Variants in NCOA6 observed in about 807,000 individuals in gnomAD.
NCOA6 encodes nuclear receptor coactivator 6, also known as NRC RAP250.
In NCOA6, 49 loss-of-function variants were observed where a neutral mutation model predicts 171.4. The observed-to-expected ratio is 0.29, with a 90% CI of 0.23 to 0.36. The LOEUF is 0.36. Ranked by LOEUF, NCOA6 falls within the 10% of genes least tolerant of loss-of-function variation. NCOA6 has a pLI of 1.00. For missense variants in NCOA6, 2,248 were observed against 2,554.5 expected, an observed-to-expected ratio of 0.88 and a Z score of 2.59; for synonymous variants, 910 against 927.5, an observed-to-expected ratio of 0.98 and a Z score of 0.34.
At chr20:34,745,071 G>A (rs142546462) in intron 10 of NCOA6, among the ~76,000 whole-genome samples, 2 of 152,260 alleles carry the variant, frequency 1.3e-5, no homozygotes, top group South Asian at 2.1e-4. Flanking sequence ...GGAAAGCCAG[G>A]ACACACATAG....
chr20:34,742,857 A>G lies in NCOA6; in HGVS notation c.3399T>C (p.Pro1133=). The change falls in exon 11 of 15, where the codon CCT becomes CCC. Residue 1133 remains proline, a synonymous_variant. Coordinates refer to ENST00000359003, the MANE Select transcript of NCOA6 (RefSeq NM_014071.5). ...ATGGTGCTTCACTGCCACTTGCTTC[A>G]GGGAGTGAGGCCATCTCCGCCAGTG... ...SSPLAEMASL[P]EASGSEAPSV... is the part of the protein sequence containing the mutation. 6.2e-7 allele frequency: 1 copy of G among 1,614,192 alleles called. No homozygotes were observed. The highest frequency in any genetic ancestry group is 8.5e-7 in the Non-Finnish European group (1 of 1,180,026).
Position 34,742,297 on chromosome 20 carries a change from G to A in NCOA6, c.3959C>T (p.Ala1320Val), listed in dbSNP as rs763199542. The change falls in exon 11 of 15, where the codon GCA becomes GTA. Residue 1320 changes from alanine to valine, a missense_variant. This residue lies in a region of NCOA6 where 884 missense variants were observed against 941.9 expected (regional missense o/e 0.94). Transcript: ENST00000359003. ...VNSGKQSNSG[A>V]TKRASPSNSR... Reference sequence around the variant, plus strand: ...GTTGCTTGGACTTGCCCGTTTTGTTGCTCCAGAATTAGACTGCTTTCCAGA... The same window carrying A: ...GTTGCTTGGACTTGCCCGTTTTGTTACTCCAGAATTAGACTGCTTTCCAGA... 1.2e-6 allele frequency: 2 copies of A among 1,614,176 alleles called. No individual in the cohort carries two copies. The highest frequency in any genetic ancestry group is 2.2e-5 in the South Asian group (2 of 91,084).
chr20:34,824,757 G>A (rs998001669), intron 1 of NCOA6, among the ~76,000 whole-genome samples: 1 of 152,110 alleles, frequency 6.6e-6, no homozygotes, highest in Non-Finnish European at 1.5e-5. Context: ...AGAGGGGGTG[G>A]AGGATGCTTG....
At position 34,741,202 on chromosome 20, in the gene NCOA6, G is replaced by C. The variant is rs1156380351; in HGVS notation, c.5054C>G (p.Thr1685Ser). The C allele has an allele frequency of 1.9e-6, 3 of 1,614,134 alleles. No individual in the cohort carries two copies. In the Admixed American group the frequency reaches 5.0e-5, roughly 27 times the overall value. ...AGAGGGAGGCATCAGGCCAGAGTTGGTTGTCAGTGGGGCTGCAGGAATTGT... is the reference window on the plus strand; with the variant it reads ...AGAGGGAGGCATCAGGCCAGAGTTGCTTGTCAGTGGGGCTGCAGGAATTGT... Reference protein sequence around the residue: ...PSTIPAAPLTTNSGLMPPSVA... With the variant: ...PSTIPAAPLTSNSGLMPPSVA... The change falls in exon 11 of 15, where the codon ACC becomes AGC. Residue 1685 changes from threonine (T) to serine (S), a missense_variant. Coordinates refer to ENST00000359003, the MANE Select transcript of NCOA6 (RefSeq NM_014071.5).
At position 34,757,642 on chromosome 20, in the gene NCOA6, G is replaced by A; in HGVS notation, c.1106C>T (p.Pro369Leu). The change falls in exon 7 of 15, where the codon CCT becomes CTT. Residue 369 changes from proline (P) to leucine (L), a missense_variant. Around this residue, in one of 7 missense-constraint regions of NCOA6, gnomAD observed 987 missense variants for 1,104.7 expected, o/e 0.89. Transcript: ENST00000359003. ...ARPSLATVQT[P>L]SHPPPPYPFG... ...GGGATATGGAGGGGGAGGGTGGGAAGGCGTCTGTACCGTGGCTAAGGATGG... is the reference window on the plus strand; with the variant it reads ...GGGATATGGAGGGGGAGGGTGGGAAAGCGTCTGTACCGTGGCTAAGGATGG... 6.8e-6 allele frequency: 11 copies of A among 1,614,064 alleles called. No individual in the cohort carries two copies. The highest frequency in any genetic ancestry group is 9.3e-6 in the Non-Finnish European group (11 of 1,179,958).
chr20:34,721,137 T>TG (rs1989255363), intron 14 of NCOA6, among the ~76,000 whole-genome samples: 1 of 150,468 alleles, frequency 6.6e-6, no homozygotes, highest in African/African-American at 2.5e-5. Context: ...GAGGTTGAGT[T>TG]GATCACAAAT....
At chr20:34,717,189 GCTTGTAAT>G (rs1258786082) in intron 14 of NCOA6, among the ~76,000 whole-genome samples, 3 of 152,238 alleles carry the variant, frequency 2.0e-5, no homozygotes, top group Admixed American at 1.3e-4. Context: ...GGTGGCTCAT[GCTTGTAAT>G]CCCAGCACTT....
intron 1 of NCOA6, chr20:34,809,353 C>T: frequency 2.5e-6 from 1 of 396,712 alleles, no homozygotes; most frequent in Non-Finnish European, 4.4e-6. Flanking sequence ...ATCAAAATGC[C>T]TCCTTTTTAA....
intron 4 of NCOA6, 82 bp from the exon 5 acceptor site, chr20:34,768,668 A>C: frequency 6.7e-7 from 1 of 1,487,080 alleles, no homozygotes; most frequent in Non-Finnish European, 9.2e-7. Flanking sequence ...TAAGTGCTTT[A>C]GTTTTCTGTG....
chr20:34,732,551 C>A lies in NCOA6; in HGVS notation c.5999+8G>T. 3 of 1,613,170 alleles carry A rather than the reference C, an allele frequency of 1.9e-6. No homozygotes were observed. Among genetic ancestry groups the A allele is most frequent in the South Asian group, 2.2e-5 (2 of 91,008 alleles). ...TTCATGCTACGTCTGCAGAAATGAT[C>A]ATCTTACCTTTGTCCAGAGACTATG... On this transcript the variant is annotated splice_region_variant and intron_variant, in intron 13 of 14. Coordinates refer to ENST00000359003, the MANE Select transcript of NCOA6 (RefSeq NM_014071.5).
intron 14 of NCOA6, among the ~76,000 whole-genome samples, chr20:34,720,026 G>A (rs1989128689): frequency 6.6e-6 from 1 of 152,212 alleles, no homozygotes; most frequent in African/African-American, 2.4e-5. Flanking sequence ...ACCCAGGGCT[G>A]CTGATAATTA....
intron 2 of NCOA6, among the ~76,000 whole-genome samples, chr20:34,791,347 C>G (rs74368898): frequency 0.01 from 1,581 of 152,320 alleles, 40 homozygotes; most frequent in African/African-American, 0.036. Context: ...GTGCACCCAT[C>G]ATGAGTATTC....
chr20:34,759,036 T>C, intron 5 of NCOA6, 103 bp from the exon 6 acceptor site: 1 of 1,361,676 alleles, frequency 7.3e-7, no homozygotes, highest in South Asian at 1.3e-5. Flanking sequence ...TTTGTTTTTT[T>C]TTTTTTGACA....
chr20:34,727,469 G>A (rs1990100962), intron 13 of NCOA6, 62 bp from the exon 14 acceptor site: 1 of 1,567,138 alleles, frequency 6.4e-7, no homozygotes, highest in African/African-American at 1.4e-5. Flanking sequence ...CAAAAAACGG[G>A]CTCTTCAGAT....
chr20:34,740,368 C>T lies in NCOA6; in HGVS notation c.5888G>A (p.Ser1963Asn), dbSNP rs771221568. ...ATGAAGCCCCAAGTACATACCTATG[C>T]TGGGTAGAAGTTCTGGATGGGATCC... ...KVGSHPELLPSIAPSQNLVSK... is the reference protein window; with the variant it reads ...KVGSHPELLPNIAPSQNLVSK... The change falls in exon 11 of 15, where the codon AGC becomes AAC. Residue 1963 changes from serine (S) to asparagine (N), a missense_variant. Transcript: ENST00000359003. The T allele has an allele frequency of 2.5e-6, 4 of 1,613,310 alleles. No homozygotes were observed. In the African/African-American group the frequency reaches 4.0e-5, roughly 16 times the overall value.
intron 12 of NCOA6, among the ~76,000 whole-genome samples, chr20:34,734,061 A>T (rs1252521192): frequency 6.6e-6 from 1 of 151,998 alleles, no homozygotes; most frequent in Non-Finnish European, 1.5e-5. Flanking sequence ...AGTCAAAAGA[A>T]GTGCTCACCC....
At chr20:34,783,614 T>C (rs939788506) in intron 2 of NCOA6, among the ~76,000 whole-genome samples, 4 of 152,174 alleles carry the variant, frequency 2.6e-5, no homozygotes, top group Admixed American at 6.5e-5. Context: ...ATTTTAACTA[T>C]AATACAACAT....
intron 14 of NCOA6, among the ~76,000 whole-genome samples, chr20:34,726,230 T>C (rs1989940390): frequency 6.6e-6 from 1 of 152,186 alleles, no homozygotes; most frequent in Non-Finnish European, 1.5e-5. Flanking sequence ...ATGGAGAAAC[T>C]GGCCTTAGAC....
At chr20:34,758,756 T>C (rs2076727834) in intron 6 of NCOA6, 49 bp downstream of exon 6, 2 of 1,503,432 alleles carry the variant, frequency 1.3e-6, no homozygotes, top group East Asian at 4.7e-5. Context: ...TATAATGATC[T>C]GTGCAGAAAG....
Sources: allele counts gnomAD v4.1 joint callset (sites outside exome capture counted in the v4.1 genomes callset), GRCh38; gene constraint gnomAD v4.1.1; regional missense constraint gnomAD v4.1.1; transcripts MANE v1.5; gene names NCBI Gene and HGNC (gene_info 2026-07-23, HGNC 2026-07-21).